SMC5: variants seen among roughly 807,000 people sequenced by gnomAD.
The protein encoded by SMC5 is structural maintenance of chromosomes 5.
In SMC5, 88 loss-of-function variants were observed where a neutral mutation model predicts 148.3. The observed-to-expected ratio is 0.59, with a 90% CI of 0.50 to 0.71. The LOEUF (loss-of-function observed/expected upper bound fraction) is 0.71, where lower values mean the gene tolerates loss of function less well. Ranked by LOEUF, SMC5 falls within the 30% of genes least tolerant of loss-of-function variation. The probability of loss-of-function intolerance (pLI) is 0.00; values close to 1 mark genes in which losing one functional copy is unlikely to be tolerated. For missense variants in SMC5, 1,142 were observed against 1,298.9 expected, an observed-to-expected ratio of 0.88 and a Z score of 1.86; for synonymous variants, 421 against 432.8, an observed-to-expected ratio of 0.97 and a Z score of 0.34.
At position 70,259,039 on chromosome 9, in the gene SMC5, G is replaced by C. The variant is rs1029974959; in HGVS notation, c.-40G>C. On this transcript the variant is annotated 5_prime_UTR_variant, in exon 1 of 25. Transcript: ENST00000361138. ...GCTTGGGCGCCTGGGCTGCCGGACG[G>C]TGGGAACGGAAGTCGCTGTGGGACG... is the stretch of plus-strand genomic sequence containing the variant. 6.4e-7 allele frequency: 1 copy of C among 1,556,566 alleles called. No individual in the cohort carries two copies. Among genetic ancestry groups the C allele is most frequent in the African/African-American group, 1.4e-5 (1 of 73,024 alleles).
chr9:70,278,389 T>C, intron 4 of SMC5, 102 bp from the exon 5 acceptor site: 1 of 1,153,450 alleles, frequency 8.7e-7, no homozygotes, highest in Non-Finnish European at 1.2e-6. Flanking sequence ...AATGTTTTTT[T>C]TAATGAGTTT....
Position 70,339,562 on chromosome 9 carries a change from A to G in SMC5, c.2398-4582A>G, listed in dbSNP as rs534089968. On this transcript the variant is annotated intron_variant, in intron 17 of 24. Transcript: ENST00000361138. ...TGCCATTTACCTGCACATGATTTTT[A>G]TCTATCTCATCTGTTCCTGCTATGC... Among the ~76,000 whole-genome samples, 94 of 152,198 alleles carry G rather than the reference A, an allele frequency of 6.2e-4. 1 individual carries two copies. The highest frequency in any genetic ancestry group is 1.6e-3 in the Admixed American group (24 of 15,290).
At chr9:70,323,716 G>T (rs1426345437) in intron 16 of SMC5, 110 bp downstream of exon 16, 1 of 1,225,488 alleles carries the variant, frequency 8.2e-7, no homozygotes, top group Non-Finnish European at 1.1e-6. Flanking sequence ...TGACATTTTA[G>T]TTATATAAGC....
rs1290011000 is a variant in SMC5, at chr9:70,354,766, G to A, written c.*2435G>A. On this transcript the variant is annotated 3_prime_UTR_variant, in exon 25 of 25. Transcript: ENST00000361138. ...ATTTTCTTTGAGGTATAAACCTTTA[G>A]ATGTGAAAAATGTAATTTCATTCTG... 5 of 152,116 alleles carry A rather than the reference G, an allele frequency of 3.3e-5. No homozygotes were observed. Among genetic ancestry groups the A allele is most frequent in the African/African-American group, 1.2e-4 (5 of 41,438 alleles). 9.4% of individuals were successfully genotyped at this position (152,116 alleles called of 1,614,324 possible).
At chr9:70,346,740 T>C in intron 19 of SMC5, 91 bp downstream of exon 19, 1 of 1,325,446 alleles carries the variant, frequency 7.5e-7, no homozygotes, top group Non-Finnish European at 1.1e-6. Context: ...GGAGATGAAT[T>C]CTAGGCCTTT....
At chr9:70,261,110 A>C (rs1412918040) in intron 1 of SMC5, among the ~76,000 whole-genome samples, 1 of 152,216 alleles carries the variant, frequency 6.6e-6, no homozygotes, top group Admixed American at 6.5e-5. Flanking sequence ...ATAGTTTGGT[A>C]TATTTAGAAA....
At chr9:70,335,403 C>G (rs1265076573) in intron 17 of SMC5, among the ~76,000 whole-genome samples, 2 of 152,126 alleles carry the variant, frequency 1.3e-5, no homozygotes, top group African/African-American at 2.4e-5. Flanking sequence ...TGGAGAATCA[C>G]TTGAACCTGG....
chr9:70,278,744 A>C lies in SMC5; in HGVS notation c.678+119A>C. On this transcript the variant is annotated intron_variant, in intron 5 of 24. Transcript: ENST00000361138. ...GAATTCGTATTTGTGATTTTTTTTC[A>C]CTTAGGATTGTACTGCTAATATCAG... The C allele has an allele frequency of 5.0e-6, 5 of 997,062 alleles. No homozygotes were observed. The South Asian group carries it at 9.7e-5, about 19-fold the overall frequency. 61.8% of individuals were successfully genotyped at this position (997,062 alleles called of 1,614,324 possible).
chr9:70,286,892 A>G (rs1399658994), intron 8 of SMC5: 1 of 151,672 alleles, frequency 6.6e-6, no homozygotes, highest in African/African-American at 2.4e-5. Context: ...ACTTTTTTGA[A>G]TTTTTGTAGA....
Position 70,350,171 on chromosome 9 carries a change from C to T in SMC5, c.2947C>T (p.Leu983=). 1 of 1,613,164 alleles carries T rather than the reference C, an allele frequency of 6.2e-7. No homozygotes were observed. The highest frequency in any genetic ancestry group is 8.5e-7 in the Non-Finnish European group (1 of 1,179,564). Residue 983 remains leucine, a synonymous_variant, in exon 23 of 25, where the codon CTG becomes TTG. Coordinates refer to ENST00000361138, the MANE Select transcript of SMC5 (RefSeq NM_015110.4). The part of the protein sequence containing the change: ...IRVKFRSSTQ[L]HELTPHHQSG... ...AGTCAAATTTCGAAGTAGTACTCAACTGCATGAATTAACTCCTCATCATCA... is the reference window on the plus strand; with the variant it reads ...AGTCAAATTTCGAAGTAGTACTCAATTGCATGAATTAACTCCTCATCATCA...
chr9:70,260,084 A>G (rs2117901382), intron 1 of SMC5, among the ~76,000 whole-genome samples: 1 of 152,174 alleles, frequency 6.6e-6, no homozygotes, highest in South Asian at 2.1e-4. Context: ...AGCTGGGACT[A>G]CAGGCGCGCG....
At chr9:70,265,237 G>C (rs1296316961) in intron 2 of SMC5, among the ~76,000 whole-genome samples, 7 of 152,138 alleles carry the variant, frequency 4.6e-5, no homozygotes. Flanking sequence ...AGCACTTTGG[G>C]AGGCCATGAT....
At position 70,318,551 on chromosome 9, in the gene SMC5, C is replaced by T. The variant is rs548676384; in HGVS notation, c.1844C>T (p.Ala615Val). Residue 615 changes from alanine to valine, a missense_variant, in exon 14 of 25, where the codon GCA (alanine) becomes GTA (valine). By Grantham distance (64) the Ala-to-Val change is moderately conservative (BLOSUM62 0). Coordinates refer to ENST00000361138, the MANE Select transcript of SMC5 (RefSeq NM_015110.4). The stretch of plus-strand genomic sequence containing the variant: ...ACCCGATTAAAACAGATTTATACAG[C>T]AGAAGAAAAGTATGTGGTGAAAACT... Reference protein sequence around the residue: ...QETRLKQIYTAEEKYVVKTSF... With the variant: ...QETRLKQIYTVEEKYVVKTSF... 22 of 1,610,362 alleles carry T rather than the reference C, an allele frequency of 1.4e-5. No homozygotes were observed. In the African/African-American group the frequency reaches 2.7e-4, roughly 20 times the overall value.
chr9:70,324,244 A>G (rs980675385), intron 17 of SMC5, 101 bp downstream of exon 17: 14 of 1,228,428 alleles, frequency 1.1e-5, no homozygotes, highest in South Asian at 3.3e-5. Context: ...TTGTTGTTTT[A>G]TGCTATTTAA....
chr9:70,347,539 A>G (rs1421867524), intron 20 of SMC5, 74 bp from the exon 21 acceptor site: 1 of 766,822 alleles, frequency 1.3e-6, no homozygotes, highest in African/African-American at 1.8e-5. Flanking sequence ...TTAATGTTTT[A>G]ATCAATGCAA....
At chr9:70,286,370 A>C (rs2034902617) in intron 8 of SMC5, 99 bp downstream of exon 8, 2 of 721,642 alleles carry the variant, frequency 2.8e-6, no homozygotes, top group South Asian at 3.6e-5. Context: ...GGAATGGCCA[A>C]GATCCTCTGC....
intron 10 of SMC5, among the ~76,000 whole-genome samples, chr9:70,301,171 T>C (rs2035348432): frequency 6.6e-6 from 1 of 152,136 alleles, no homozygotes; most frequent in Non-Finnish European, 1.5e-5. Context: ...AAAGAAAGTA[T>C]AAGAAAAAAT....
chr9:70,346,777 G>A (rs753349306), intron 19 of SMC5, 128 bp downstream of exon 19: 7 of 926,182 alleles, frequency 7.6e-6, no homozygotes, highest in Non-Finnish European at 1.2e-5. Flanking sequence ...CCTGTAGCAT[G>A]AACTGATACT....
chr9:70,261,917 T>C (rs2034149633), intron 1 of SMC5, among the ~76,000 whole-genome samples: 1 of 152,212 alleles, frequency 6.6e-6, no homozygotes, highest in Admixed American at 6.5e-5. Context: ...AAGAGCCCAC[T>C]GCATTTAGCA....
Sources: gnomAD v4.1 joint callset for allele counts (sites outside exome capture counted in the v4.1 genomes callset) on GRCh38, gnomAD v4.1.1 for gene constraint, MANE v1.5 for transcripts, NCBI Gene and HGNC (gene_info 2026-07-23, HGNC 2026-07-21) for gene names.